The following VSNL1 variants were observed in gnomAD, a reference collection of about 807,000 sequenced individuals.
VSNL1 encodes the protein visinin like 1, also known as visinin-like protein 1.
VSNL1 carries 6 observed loss-of-function variants against 20.4 expected under a neutral mutation model. The observed-to-expected ratio is 0.29, with a 90% CI of 0.16 to 0.58. The LOEUF (loss-of-function observed/expected upper bound fraction) is 0.58. Among genes scored for constraint, VSNL1 ranks in the 20% least tolerant of loss-of-function variants. VSNL1 has a pLI of 0.90. For missense variants in VSNL1, 100 were observed against 234.5 expected (o/e 0.43, Z 3.75); for synonymous variants, 93 against 86.4 (o/e 1.08, Z -0.42).
Position 17,655,538 on chromosome 2 carries a change from T to C in VSNL1, c.*144T>C. 6 of 776,696 alleles carry C rather than the reference T, an allele frequency of 7.7e-6. No homozygotes were observed. The highest frequency in any genetic ancestry group is 1.0e-5 in the Non-Finnish European group (5 of 497,948). 48.1% of individuals were successfully genotyped at this position (776,696 alleles called of 1,614,324 possible). On this transcript the variant is annotated 3_prime_UTR_variant, in exon 4 of 4. Transcript: ENST00000295156. The surrounding 1 kb of genome is among the most constrained non-coding windows in gnomAD (Gnocchi z 5.2). The stretch of plus-strand genomic sequence containing the variant: ...GACTACCTATAAATGGACTTGCTTC[T>C]TGTGTTTGAAACACTCGTGTGCATG...
chr2:17,582,024 G>A (rs557220193), intron 1 of VSNL1, among the ~76,000 whole-genome samples: 1 of 152,316 alleles, frequency 6.6e-6, no homozygotes, highest in South Asian at 2.1e-4. Flanking sequence ...GTACAGTGAA[G>A]TCACTGAAAA....
intron 1 of VSNL1, among the ~76,000 whole-genome samples, chr2:17,583,186 C>A (rs1036013928): frequency 2.0e-5 from 3 of 152,086 alleles, no homozygotes; most frequent in Non-Finnish European, 4.4e-5. Flanking sequence ...TGCCACTCAC[C>A]CCCTCCACCA....
intron 2 of VSNL1, among the ~76,000 whole-genome samples, chr2:17,607,066 A>C (rs1256800468): frequency 1.3e-5 from 2 of 152,208 alleles, no homozygotes; most frequent in Non-Finnish European, 2.9e-5. Flanking sequence ...GTCCTGAAAC[A>C]GGACCTGGGC....
intron 2 of VSNL1, among the ~76,000 whole-genome samples, chr2:17,596,700 G>T (rs1469549751): frequency 6.6e-6 from 1 of 152,126 alleles, no homozygotes; most frequent in South Asian, 2.1e-4. Context: ...GAAACATTTG[G>T]GTTGGTTTAG....
intron 1 of VSNL1, among the ~76,000 whole-genome samples, chr2:17,570,888 T>A (rs1664065220): frequency 6.6e-6 from 1 of 152,006 alleles, no homozygotes; most frequent in East Asian, 1.9e-4. Context: ...CTACTAAAAA[T>A]ACCAGGTGCG....
At chr2:17,621,020 C>G (rs187769795) in intron 2 of VSNL1, among the ~76,000 whole-genome samples, 44 of 152,240 alleles carry the variant, frequency 2.9e-4, no homozygotes, top group African/African-American at 9.6e-4. Context: ...AATAGGAAAA[C>G]TATAATAGAC....
intron 2 of VSNL1, among the ~76,000 whole-genome samples, chr2:17,602,384 C>T (rs2103385811): frequency 6.6e-6 from 1 of 152,310 alleles, no homozygotes; most frequent in South Asian, 2.1e-4. Flanking sequence ...GAAATCCAGT[C>T]CTATTATAAC....
At chr2:17,652,549 C>G (rs1266778906) in intron 3 of VSNL1, among the ~76,000 whole-genome samples, 1 of 152,174 alleles carries the variant, frequency 6.6e-6, no homozygotes, top group Non-Finnish European at 1.5e-5. Flanking sequence ...GAAGTAAAGA[C>G]AGTGACTGCA....
At chr2:17,651,215 A>G (rs1210986663) in intron 3 of VSNL1, among the ~76,000 whole-genome samples, 1 of 152,212 alleles carries the variant, frequency 6.6e-6, no homozygotes, top group Non-Finnish European at 1.5e-5. Context: ...CTTCAGCCAA[A>G]GTCCCCAAGG....
chr2:17,651,285 C>T (rs1368181258), intron 3 of VSNL1, among the ~76,000 whole-genome samples: 1 of 152,184 alleles, frequency 6.6e-6, no homozygotes, highest in Admixed American at 6.5e-5. Flanking sequence ...AATCTTGGGG[C>T]AATTCAGCAG....
chr2:17,630,678 C>T (rs912256635), intron 2 of VSNL1, among the ~76,000 whole-genome samples: 1 of 152,052 alleles, frequency 6.6e-6, no homozygotes, highest in African/African-American at 2.4e-5. Context: ...GATACTATGC[C>T]GTTAACAGAG....
rs1375171850 is a variant in VSNL1, at chr2:17,655,200, A to G, written c.382A>G (p.Ile128Val). 6.2e-7 allele frequency: 1 copy of G among 1,613,964 alleles called. No homozygotes were observed. The highest frequency in any genetic ancestry group is 8.5e-7 in the Non-Finnish European group (1 of 1,179,978). ...RVEMLEIIEA[I>V]YKMVGTVIMM... ...CTACAATGCTTTTTTCCCCAAGGCT[A>G]TCTACAAAATGGTAGGCACTGTGAT... Residue 128 changes from isoleucine (I) to valine (V), a missense_variant, in exon 4 of 4, where the codon ATC (isoleucine) becomes GTC (valine). By Grantham distance (29) the Ile-to-Val change is conservative (BLOSUM62 3). Coordinates refer to ENST00000295156, the MANE Select transcript of VSNL1 (RefSeq NM_003385.5). This position sits in a 1 kb window ranked among gnomAD's most constrained non-coding sequence, Gnocchi z 5.2.
chr2:17,544,696 CTTTGT>C (rs1409633120), intron 1 of VSNL1, among the ~76,000 whole-genome samples: 2 of 152,152 alleles, frequency 1.3e-5, no homozygotes, highest in African/African-American at 4.8e-5. Context: ...AGGTCTTTTT[CTTTGT>C]TTTGAGTGAT....
chr2:17,548,735 A>G (rs1663455809), intron 1 of VSNL1, among the ~76,000 whole-genome samples: 1 of 152,072 alleles, frequency 6.6e-6, no homozygotes, highest in Admixed American at 6.6e-5. Flanking sequence ...ATTTTTTCCA[A>G]GTATATCTTC....
At chr2:17,602,867 T>C (rs115201179) in intron 2 of VSNL1, among the ~76,000 whole-genome samples, 12 of 152,316 alleles carry the variant, frequency 7.9e-5, no homozygotes, top group Non-Finnish European at 1.3e-4. Context: ...CAAACAACTA[T>C]AGAATGGCGT....
At chr2:17,632,203 C>A (rs887927797) in intron 2 of VSNL1, among the ~76,000 whole-genome samples, 3 of 152,062 alleles carry the variant, frequency 2.0e-5, no homozygotes, top group Admixed American at 1.3e-4. Flanking sequence ...CTGCTGTATC[C>A]CCAGTGTGAG....
At chr2:17,623,849 T>TA (rs1665442805) in intron 2 of VSNL1, among the ~76,000 whole-genome samples, 1 of 152,062 alleles carries the variant, frequency 6.6e-6, no homozygotes, top group Admixed American at 6.6e-5. Flanking sequence ...CCAGATAAAT[T>TA]AAAGAATTAA....
intron 3 of VSNL1, among the ~76,000 whole-genome samples, chr2:17,651,185 C>A (rs1666114300): frequency 6.6e-6 from 1 of 152,210 alleles, no homozygotes; most frequent in African/African-American, 2.4e-5. Flanking sequence ...AAACTTTTCT[C>A]TCTAATCCTT....
chr2:17,552,461 A>T (rs947274160), intron 1 of VSNL1, among the ~76,000 whole-genome samples: 4 of 152,004 alleles, frequency 2.6e-5, no homozygotes, highest in African/African-American at 7.2e-5. Flanking sequence ...TTATTTTTTA[A>T]TTTTTTTATT....
Sources: allele counts gnomAD v4.1 joint callset (sites outside exome capture counted in the v4.1 genomes callset), GRCh38; gene constraint gnomAD v4.1.1; non-coding constraint Gnocchi (gnomAD v3.1); transcripts MANE v1.5; gene names NCBI Gene and HGNC (gene_info 2026-07-23, HGNC 2026-07-21).